The following KMT2D variants were observed in gnomAD, a reference collection of about 807,000 sequenced individuals.
KMT2D encodes lysine methyltransferase 2D, also known as histone-lysine N-methyltransferase 2D.
A neutral mutation model predicts 512.7 loss-of-function variants in KMT2D; 55 were observed. That is an observed-to-expected ratio of 0.11 (90% confidence interval 0.09 to 0.13). KMT2D has a LOEUF of 0.13. KMT2D is among the 10% of genes least tolerant of loss of function. KMT2D has a pLI of 1.00. For missense variants in KMT2D, 6,061 were observed against 7,127.9 expected (o/e 0.85, Z 5.39); for synonymous variants, 2,995 against 2,904.0 (o/e 1.03, Z -1.01).
chr12:49,033,718 C>T lies in KMT2D; in HGVS notation c.10987G>A (p.Ala3663Thr), dbSNP rs587778476. ...GGLRLTPGGM[A>T]LPGQPGGPFL... ...GGGCCACCAGGCTGTCCAGGTAGTGCCATACCCCCAGGGGTCAGGCGAAGA... is the reference window on the plus strand; with the variant it reads ...GGGCCACCAGGCTGTCCAGGTAGTGTCATACCCCCAGGGGTCAGGCGAAGA... Residue 3663 changes from alanine to threonine, a missense_variant, in exon 40 of 55, where the codon GCA becomes ACA. Transcript: ENST00000301067. 1.9e-6 allele frequency: 3 copies of T among 1,613,478 alleles called. No homozygotes were observed. The African/African-American group carries it at 4.0e-5, about 22-fold the overall frequency.
chr12:49,043,468 C>T (rs1373281481), intron 24 of KMT2D, 40 bp from the exon 25 acceptor site: 3 of 1,607,922 alleles, frequency 1.9e-6, no homozygotes, highest in Admixed American at 3.3e-5. Flanking sequence ...AGATGTCCTA[C>T]ATCTGATGCC....
rs747135721 is a variant in KMT2D, at chr12:49,054,783, G to C, written c.177-32C>G. On this transcript the variant is annotated intron_variant, in intron 3 of 54. Transcript: ENST00000301067. The surrounding 1 kb of genome is among the most constrained non-coding windows in gnomAD (Gnocchi z 6.4). Reference sequence around the variant, plus strand: ...ACACACAAGCATCAGTACCACGCCAGGCCCCCAGCAACCCCATGATCTGGC... The same window carrying C: ...ACACACAAGCATCAGTACCACGCCACGCCCCCAGCAACCCCATGATCTGGC... 6.2e-7 allele frequency: 1 copy of C among 1,608,458 alleles called. No individual in the cohort carries two copies. Among genetic ancestry groups the C allele is most frequent in the South Asian group, 1.1e-5 (1 of 90,974 alleles).
In KMT2D at chr12:49,042,231, C is replaced by T. The variant is rs199555915; in HGVS notation, c.5967G>A (p.Thr1989=). The T allele has an allele frequency of 2.4e-4, 376 of 1,594,982 alleles. 3 individuals are homozygous for T. In the African/African-American group the frequency reaches 4.4e-3, roughly 19 times the overall value. The change falls in exon 29 of 55, where the codon ACG becomes ACA. Residue 1989 remains threonine (T), a synonymous_variant. Transcript: ENST00000301067. The surrounding 1 kb of genome is among the most constrained non-coding windows in gnomAD (Gnocchi z 4.4). ...AGGAGAGTCCGTCGCCCTCACCCTC[C>T]GTGGTGGGGGTTGTGGGGGTGGAGG... The part of the protein sequence containing the change: ...TTPSTPTTPT[T]EGEGDGLSYN...
In KMT2D at chr12:49,044,611, T is replaced by C; in HGVS notation, c.4964-89A>G. 5.1e-6 allele frequency: 8 copies of C among 1,571,352 alleles called. No individual in the cohort carries two copies. The highest frequency in any genetic ancestry group is 6.9e-6 in the Non-Finnish European group (8 of 1,156,012). ...CCTGCCACTGAGAGAGCTGAATACCTTGCCTCAGAGCCACTTAGACGAGAC... is the reference window on the plus strand; with the variant it reads ...CCTGCCACTGAGAGAGCTGAATACCCTGCCTCAGAGCCACTTAGACGAGAC... On this transcript the variant is annotated intron_variant, in intron 20 of 54. Coordinates refer to ENST00000301067, the MANE Select transcript of KMT2D (RefSeq NM_003482.4). This position sits in a 1 kb window ranked among gnomAD's most constrained non-coding sequence, Gnocchi z 6.4.
In KMT2D at chr12:49,038,390, T is replaced by C. The variant is rs1347512428; in HGVS notation, c.8966A>G (p.Glu2989Gly). 1 of 1,613,886 alleles carries C rather than the reference T, an allele frequency of 6.2e-7. No homozygotes were observed. Among genetic ancestry groups the C allele is most frequent in the Non-Finnish European group, 8.5e-7 (1 of 1,179,840 alleles). ...LALEAGKLPCEDPELDDDFDA... is the reference protein window; with the variant it reads ...LALEAGKLPCGDPELDDDFDA... The stretch of plus-strand genomic sequence containing the variant: ...AAAATCGTCATCCAGCTCGGGATCC[T>C]CACAGGGCAACTTCCCAGCTTCCAG... Residue 2989 changes from glutamate to glycine, a missense_variant, in exon 35 of 55, where the codon GAG (glutamate) becomes GGG (glycine). By Grantham distance (98) the Glu-to-Gly change is moderately conservative. Coordinates refer to ENST00000301067, the MANE Select transcript of KMT2D (RefSeq NM_003482.4). This position sits in a 1 kb window ranked among gnomAD's most constrained non-coding sequence, Gnocchi z 5.7.
rs1243678342 is a variant in KMT2D at position 49,039,012 on chromosome 12, G to C, written c.8367-23C>G. The C allele has an allele frequency of 6.4e-6, 10 of 1,551,886 alleles. No homozygotes were observed. The highest frequency in any genetic ancestry group is 8.7e-6 in the Non-Finnish European group (10 of 1,146,740). On this transcript the variant is annotated intron_variant, in intron 34 of 54. Transcript: ENST00000301067. The surrounding 1 kb of genome is among the most constrained non-coding windows in gnomAD (Gnocchi z 5.0). ...TGCCTGGAAGAATATACAGTAGTCA[G>C]TAGGATGAAATCAGATGAAAAGGAG...
chr12:49,052,765 G>A, intron 9 of KMT2D, 56 bp from the exon 10 acceptor site: 1 of 1,600,272 alleles, frequency 6.2e-7, no homozygotes, highest in Non-Finnish European at 8.5e-7. Flanking sequence ...ACAAATCCTA[G>A]AGAGCACACT....
In KMT2D at chr12:49,030,628, A is replaced by C; in HGVS notation, c.13812T>G (p.Pro4604=). 3 of 1,595,494 alleles carry C rather than the reference A, an allele frequency of 1.9e-6. No individual in the cohort carries two copies. The highest frequency in any genetic ancestry group is 2.6e-6 in the Non-Finnish European group (3 of 1,170,560). The part of the protein sequence containing the change: ...AFGSGALPTG[P]DYYSQLLTKN... ...TGGTAAGCAGCTGGGAATAGTAGTC[A>C]GGGCCAGTGGGCAGCGCCCCACTTC... Residue 4604 remains proline (P), a synonymous_variant, in exon 42 of 55, where the codon CCT becomes CCG. Coordinates refer to ENST00000301067, the MANE Select transcript of KMT2D (RefSeq NM_003482.4).
At chr12:49,036,212 C>A (rs1943207344) in intron 35 of KMT2D, among the ~76,000 whole-genome samples, 1 of 152,124 alleles carries the variant, frequency 6.6e-6, no homozygotes, top group South Asian at 2.1e-4. Flanking sequence ...TCACTCGAAA[C>A]AGTTTACTCC....
At chr12:49,045,087 A>G (rs1174647864) in intron 19 of KMT2D, 122 bp from the exon 20 acceptor site, 3 of 918,398 alleles carry the variant, frequency 3.3e-6, no homozygotes, top group African/African-American at 1.6e-5. Context: ...CTTAGGGTCT[A>G]AATGCTGAGG....
rs201912948 is a variant in KMT2D, at chr12:49,044,970, A to G, written c.4742-5T>C. 26 of 1,611,646 alleles carry G rather than the reference A, an allele frequency of 1.6e-5. No individual in the cohort carries two copies. The highest frequency in any genetic ancestry group is 3.3e-5 in the Admixed American group (2 of 60,006). On this transcript the variant is annotated splice_region_variant and splice_polypyrimidine_tract_variant and intron_variant, in intron 19 of 54. Coordinates refer to ENST00000301067, the MANE Select transcript of KMT2D (RefSeq NM_003482.4). The surrounding 1 kb of genome is among the most constrained non-coding windows in gnomAD (Gnocchi z 6.4). The stretch of plus-strand genomic sequence containing the variant: ...CGAAGCGAAAGTACTGGGGCTCTGC[A>G]TAAGAGGAAAGAGTATGTGATCCCT...
Position 49,050,684 on chromosome 12 carries a change from G to T in KMT2D, c.2904C>A (p.Asp968Glu), listed in dbSNP as rs1266475113. The T allele has an allele frequency of 2.5e-6, 4 of 1,613,612 alleles. No individual in the cohort carries two copies. The East Asian group carries it at 8.9e-5, about 36-fold the overall frequency. Residue 968 changes from aspartate to glutamate, a missense_variant, in exon 12 of 55, where the codon GAC (aspartate) becomes GAA (glutamate). Transcript: ENST00000301067. ...EYPFGAKGDS[D>E]PESPLAAPIL... ...TGGGGGCAGCCAACGGTGACTCAGG[G>T]TCACTGTCCCCTTTGGCACCAAAGG...
Position 49,033,139 on chromosome 12 carries a change from G to C in KMT2D, c.11566C>G (p.Gln3856Glu). 1 of 1,551,296 alleles carries C rather than the reference G, an allele frequency of 6.4e-7. No individual in the cohort carries two copies. The highest frequency in any genetic ancestry group is 8.7e-7 in the Non-Finnish European group (1 of 1,146,844). Residue 3856 changes from glutamine to glutamate, a missense_variant, in exon 40 of 55, where the codon CAG becomes GAG. Coordinates refer to ENST00000301067, the MANE Select transcript of KMT2D (RefSeq NM_003482.4). ...TGCTGTTGTTGCTGCTGCTGCTGCT[G>C]GGCTGTGACCAGCCTGTGTCCCATA... ...GLMGHRLVTA[Q>E]QQQQQQQHQQ...
intron 35 of KMT2D, 67 bp downstream of exon 35, chr12:49,037,058 T>G: frequency 6.6e-7 from 1 of 1,510,610 alleles, no homozygotes; most frequent in Admixed American, 2.2e-5. Context: ...GTCTCTAGCC[T>G]CAGTGCCCAT....
Position 49,039,246 on chromosome 12 carries a change from G to A in KMT2D, c.8342C>T (p.Pro2781Leu), listed in dbSNP as rs766197076. ...CCGGCTGTTCACATCCATAGAGGAA[G>A]GCGTGGCTGGTGGAGGTGGCCGGGA... Reference protein sequence around the residue: ...RLSRPPPPATPSSMDVNSRQL... With the variant: ...RLSRPPPPATLSSMDVNSRQL... The change falls in exon 34 of 55, where the codon CCT (proline) becomes CTT (leucine). Residue 2781 changes from proline to leucine, a missense_variant. Coordinates refer to ENST00000301067, the MANE Select transcript of KMT2D (RefSeq NM_003482.4). This position sits in a 1 kb window ranked among gnomAD's most constrained non-coding sequence, Gnocchi z 5.0. 6.2e-7 allele frequency: 1 copy of A among 1,613,790 alleles called. No individual in the cohort carries two copies. The highest frequency in any genetic ancestry group is 8.5e-7 in the Non-Finnish European group (1 of 1,179,894).
chr12:49,055,420 C>T, intron 1 of KMT2D, 59 bp from the exon 2 acceptor site: 2 of 1,191,674 alleles, frequency 1.7e-6, no homozygotes, highest in Non-Finnish European at 2.4e-6. Context: ...AAGCATTTTT[C>T]CCAGAATCCT....
At position 49,041,941 on chromosome 12, in the gene KMT2D, T is replaced by C; in HGVS notation, c.6159A>G (p.Pro2053=). The C allele has an allele frequency of 6.2e-7, 1 of 1,609,766 alleles. No homozygotes were observed. Among genetic ancestry groups the C allele is most frequent in the Non-Finnish European group, 8.5e-7 (1 of 1,177,880 alleles). ...KQIMKLWRKV[P]AADKAPYLQK... The stretch of plus-strand genomic sequence containing the variant: ...CCAGGTAGGGGGCTTTGTCAGCTGC[T>C]GGAACCTTTCTCCAGAGCTTCATGA... The change falls in exon 30 of 55, where the codon CCA becomes CCG. Residue 2053 remains proline, a synonymous_variant. Coordinates refer to ENST00000301067, the MANE Select transcript of KMT2D (RefSeq NM_003482.4). The surrounding 1 kb of genome is among the most constrained non-coding windows in gnomAD (Gnocchi z 5.4).
At chr12:49,057,534 C>A (rs970366453) in intron 1 of KMT2D, among the ~76,000 whole-genome samples, 1 of 152,190 alleles carries the variant, frequency 6.6e-6, no homozygotes. Flanking sequence ...AGAGCCCATT[C>A]ATGGGGCCAT....
In KMT2D at chr12:49,046,325, G is replaced by A. The variant is rs150988159; in HGVS notation, c.4518C>T (p.Thr1506=). The A allele has an allele frequency of 1.5e-5, 25 of 1,613,914 alleles. No homozygotes were observed. The South Asian group carries it at 2.7e-4, about 18-fold the overall frequency. ...THCGPCASLV[T]CPICHAPYVE... ...CGTAAGGAGCATGACAGATAGGGCA[G>A]GTCACCAGGCTGGCACAGGGCCCAC... is the stretch of plus-strand genomic sequence containing the variant. Residue 1506 remains threonine (T), a synonymous_variant, in exon 17 of 55, where the codon ACC becomes ACT. Coordinates refer to ENST00000301067, the MANE Select transcript of KMT2D (RefSeq NM_003482.4). This position sits in a 1 kb window ranked among gnomAD's most constrained non-coding sequence, Gnocchi z 4.2.
Sources: gnomAD v4.1 joint callset for allele counts (sites outside exome capture counted in the v4.1 genomes callset) on GRCh38, gnomAD v4.1.1 for gene constraint, Gnocchi (gnomAD v3.1) non-coding constraint, MANE v1.5 for transcripts, NCBI Gene and HGNC (gene_info 2026-07-23, HGNC 2026-07-21) for gene names.